Variants in AUTS2 observed in about 807,000 individuals in gnomAD.
The protein encoded by AUTS2 is activator of transcription and developmental regulator AUTS2.
AUTS2 carries 17 observed loss-of-function variants against 112.4 expected under a neutral mutation model. The ratio of observed to expected loss-of-function variants is 0.15; its 90% CI spans 0.10 to 0.23. The LOEUF is 0.23. Among genes scored for constraint, AUTS2 ranks in the 10% least tolerant of loss-of-function variants. The pLI, the probability that AUTS2 is intolerant of heterozygous loss-of-function variation, is 1.00. For missense variants in AUTS2, 1,510 were observed against 1,701.6 expected, an observed-to-expected ratio of 0.89 and a Z score of 1.98; for synonymous variants, 751 against 702.7, an observed-to-expected ratio of 1.07 and a Z score of -1.09.
At chr7:70,531,893 G>A (rs755071483) in intron 5 of AUTS2, among the ~76,000 whole-genome samples, 7 of 152,198 alleles carry the variant, frequency 4.6e-5, no homozygotes, top group Non-Finnish European at 1.0e-4. Context: ...TCATAATTCT[G>A]TGGGTCAGGC....
At chr7:69,609,109 A>G (rs1353281633) in intron 1 of AUTS2, among the ~76,000 whole-genome samples, 3 of 152,224 alleles carry the variant, frequency 2.0e-5, no homozygotes, top group African/African-American at 7.2e-5. Context: ...ACAACAGCCC[A>G]CAGGGGTTAA....
intron 4 of AUTS2, among the ~76,000 whole-genome samples, chr7:70,167,706 A>G (rs147889904): frequency 6.6e-6 from 1 of 152,342 alleles, no homozygotes; most frequent in African/African-American, 2.4e-5. Context: ...AATGATGCAA[A>G]TTATGTTCAC....
At chr7:69,611,322 T>C (rs1323328852) in intron 1 of AUTS2, among the ~76,000 whole-genome samples, 1 of 152,014 alleles carries the variant, frequency 6.6e-6, no homozygotes, top group Non-Finnish European at 1.5e-5. Flanking sequence ...AGGGAGCAAA[T>C]GATAATTGCA....
At position 70,735,932 on chromosome 7, in the gene AUTS2, T is replaced by C. The variant is rs1015254354; in HGVS notation, c.743-26938T>C. 5.9e-5 allele frequency among the ~76,000 whole-genome samples: 9 copies of C among 152,282 alleles called. No individual in the cohort carries two copies. In the East Asian group the frequency reaches 1.7e-3, roughly 29 times the overall value. ...AAATTAATTTGGAAGTTTAGATCAG[T>C]TGCAATCAAAATCCTTATTTGATTG... On this transcript the variant is annotated intron_variant, in intron 6 of 18. Coordinates refer to ENST00000342771, the MANE Select transcript of AUTS2 (RefSeq NM_015570.4).
chr7:70,379,391 A>G (rs1470111930), intron 4 of AUTS2, among the ~76,000 whole-genome samples: 1 of 151,880 alleles, frequency 6.6e-6, no homozygotes, highest in Non-Finnish European at 1.5e-5. Context: ...GATCCCAGTG[A>G]CTCAGAAGGC....
chr7:70,109,381 A>G (rs1195580697), intron 2 of AUTS2, among the ~76,000 whole-genome samples: 2 of 152,166 alleles, frequency 1.3e-5, no homozygotes, highest in Admixed American at 6.5e-5. Context: ...CTATTTGAAA[A>G]CAGATTTATC....
chr7:70,567,096 T>C (rs573616990), intron 5 of AUTS2, among the ~76,000 whole-genome samples: 1 of 152,334 alleles, frequency 6.6e-6, no homozygotes, highest in South Asian at 2.1e-4. Context: ...GCCATTGCCG[T>C]TTTTTATACT....
At chr7:69,915,613 G>T (rs1795545767) in intron 2 of AUTS2, among the ~76,000 whole-genome samples, 1 of 152,218 alleles carries the variant, frequency 6.6e-6, no homozygotes, top group Non-Finnish European at 1.5e-5. Flanking sequence ...CTGTCTAGAG[G>T]TGGAACTGTT....
Position 69,741,438 on chromosome 7 carries a change from C to T in AUTS2, c.309+141476C>T, listed in dbSNP as rs1459429753. Reference sequence around the variant, plus strand: ...AGTTAATCCAGGACAGGTGCGGTGGCTCACACCCATAATCCCAGTACTTTG... The same window carrying T: ...AGTTAATCCAGGACAGGTGCGGTGGTTCACACCCATAATCCCAGTACTTTG... On this transcript the variant is annotated intron_variant, in intron 1 of 18. Coordinates refer to ENST00000342771, the MANE Select transcript of AUTS2 (RefSeq NM_015570.4). Among the ~76,000 whole-genome samples the T allele has an allele frequency of 5.3e-5, 8 of 152,314 alleles. No individual in the cohort carries two copies. In the South Asian group the frequency reaches 1.0e-3, roughly 20 times the overall value.
chr7:69,931,871 C>T (rs528041453), intron 2 of AUTS2, among the ~76,000 whole-genome samples: 4 of 152,332 alleles, frequency 2.6e-5, no homozygotes, highest in South Asian at 2.1e-4. Flanking sequence ...AGAGTGCTGA[C>T]GACTTACCTT....
intron 4 of AUTS2, among the ~76,000 whole-genome samples, chr7:70,220,394 C>T (rs187401226): frequency 1.3e-5 from 2 of 152,206 alleles, no homozygotes; most frequent in Admixed American, 6.5e-5. Context: ...TAGTATCAGA[C>T]GTGTGTTAGG....
In AUTS2 at chr7:70,290,755, G is replaced by A. The variant is rs2280613; in HGVS notation, c.661-144997G>A. The A allele has an allele frequency of 0.29, 230,010 of 798,252 alleles. 35,416 individuals carry two copies. Among genetic ancestry groups the A allele is most frequent in the African/African-American group, 0.53 (29,119 of 54,590 alleles). The allele number at this position is 798,252 out of a possible 1,614,324, so 49.4% of individuals were successfully genotyped here. A position where few individuals can be genotyped will look rare whatever the true frequency, so the allele number is the denominator to read the frequency against. ...TTTGGCATTAAGCTATGACTGTAAC[G>A]TTTCTACTAATAAATTAGATTTTTT... On this transcript the variant is annotated intron_variant, in intron 4 of 18. Coordinates refer to ENST00000342771, the MANE Select transcript of AUTS2 (RefSeq NM_015570.4).
At chr7:70,618,657 C>A (rs1197010197) in intron 5 of AUTS2, among the ~76,000 whole-genome samples, 3 of 152,170 alleles carry the variant, frequency 2.0e-5, no homozygotes, top group African/African-American at 7.2e-5. Flanking sequence ...GACCCCCTCA[C>A]CCCACACACA....
chr7:70,081,963 T>TGCGC (rs1554304900), intron 2 of AUTS2, among the ~76,000 whole-genome samples: 59 of 146,232 alleles, frequency 4.0e-4, no homozygotes, highest in Admixed American at 1.1e-3. Context: ...TGTGTGTGTG[T>TGCGC]GTGCGCGCGC....
chr7:70,317,525 C>T (rs1790052299), intron 4 of AUTS2, among the ~76,000 whole-genome samples: 1 of 152,120 alleles, frequency 6.6e-6, no homozygotes, highest in Non-Finnish European at 1.5e-5. Context: ...TTTGATGAAA[C>T]TAAAGCAGAG....
intron 1 of AUTS2, among the ~76,000 whole-genome samples, chr7:69,645,068 C>A (rs1270617926): frequency 7.5e-6 from 1 of 133,688 alleles, no homozygotes; most frequent in Non-Finnish European, 1.6e-5. Flanking sequence ...ACCACCACAC[C>A]CAGTTAATTT....
chr7:70,224,291 A>T (rs1373507810), intron 4 of AUTS2, among the ~76,000 whole-genome samples: 3 of 152,004 alleles, frequency 2.0e-5, no homozygotes, highest in Non-Finnish European at 4.4e-5. Flanking sequence ...ATCCAGAGTG[A>T]AGCCCTGTCT....
At chr7:70,386,695 T>G (rs1018642150) in intron 4 of AUTS2, among the ~76,000 whole-genome samples, 1 of 152,240 alleles carries the variant, frequency 6.6e-6, no homozygotes, top group Non-Finnish European at 1.5e-5. Flanking sequence ...TTCTTACATC[T>G]TTTATAGTCA....
chr7:69,860,955 C>T (rs532055374), intron 1 of AUTS2, among the ~76,000 whole-genome samples: 1 of 152,272 alleles, frequency 6.6e-6, no homozygotes, highest in African/African-American at 2.4e-5. Context: ...ACCCATATTT[C>T]ATTGTAATGG....
Sources: gnomAD v4.1 joint callset for allele counts (sites outside exome capture counted in the v4.1 genomes callset) on GRCh38, gnomAD v4.1.1 for gene constraint, MANE v1.5 for transcripts, NCBI Gene and HGNC (gene_info 2026-07-23, HGNC 2026-07-21) for gene names.